ARHGAP22: variants seen among roughly 807,000 people sequenced by gnomAD.
ARHGAP22 encodes the protein Rho GTPase activating protein 22, also known as rho GTPase-activating protein 22.
A neutral mutation model predicts 59.1 loss-of-function variants in ARHGAP22; 48 were observed. The ratio of observed to expected loss-of-function variants is 0.81; its 90% confidence interval spans 0.64 to 1.03. ARHGAP22 has a LOEUF of 1.03. ARHGAP22 is among the 50% of genes least tolerant of loss of function. The pLI is 0.00. For synonymous variants in ARHGAP22, 445 were observed against 416.4 expected, an observed-to-expected ratio of 1.07 and a Z score of -0.84; for missense variants, 1,015 against 958.7, an observed-to-expected ratio of 1.06 and a Z score of -0.78.
intron 2 of ARHGAP22, among the ~76,000 whole-genome samples, chr10:48,566,678 G>A (rs1290729173): frequency 2.0e-5 from 3 of 152,172 alleles, no homozygotes; most frequent in African/African-American, 4.8e-5. Context: ...ACCTGGGAAC[G>A]CCCTGCTTCT....
intron 3 of ARHGAP22, among the ~76,000 whole-genome samples, chr10:48,554,274 T>G (rs1468810437): frequency 2.6e-5 from 4 of 152,228 alleles, no homozygotes; most frequent in Non-Finnish European, 5.9e-5. Context: ...AGGCAGGATC[T>G]TCTCATACCT....
chr10:48,605,089 A>T, upstream of ARHGAP22: 1 of 1,293,708 alleles, frequency 7.7e-7, no homozygotes, highest in South Asian at 1.8e-5. Context: ...AGGGCGGGGC[A>T]GTCCCTCCGC....
chr10:48,604,182 C>T (rs1341326948), intron 1 of ARHGAP22, among the ~76,000 whole-genome samples: 1 of 152,218 alleles, frequency 6.6e-6, no homozygotes, highest in African/African-American at 2.4e-5. Context: ...ACTCTCCTGA[C>T]CCCCATCTCT....
intron 1 of ARHGAP22, among the ~76,000 whole-genome samples, chr10:48,643,939 G>C (rs984890405): frequency 3.3e-4 from 50 of 152,148 alleles, no homozygotes; most frequent in Non-Finnish European, 2.4e-4. Context: ...CCTGAGGTGG[G>C]GAGTTTGAGA....
intron 4 of ARHGAP22, among the ~76,000 whole-genome samples, chr10:48,469,101 C>T (rs1589565551): frequency 6.6e-6 from 1 of 152,248 alleles, no homozygotes; most frequent in South Asian, 2.1e-4. Context: ...CACATGTTTT[C>T]TCTGCTCTGA....
chr10:48,564,745 C>G (rs953568407), intron 2 of ARHGAP22, among the ~76,000 whole-genome samples: 1 of 152,212 alleles, frequency 6.6e-6, no homozygotes, highest in Non-Finnish European at 1.5e-5. Context: ...AGTGATTTCC[C>G]TCTCTCTTCT....
At chr10:48,458,141 TC>T (rs1246408225) in intron 5 of ARHGAP22, among the ~76,000 whole-genome samples, 1 of 151,670 alleles carries the variant, frequency 6.6e-6, no homozygotes, top group African/African-American at 2.4e-5. Context: ...AGTATGGGGG[TC>T]ACTGCTGAGA....
chr10:48,632,211 C>A (rs1402976525), intron 1 of ARHGAP22, among the ~76,000 whole-genome samples: 1 of 152,184 alleles, frequency 6.6e-6, no homozygotes, highest in Admixed American at 6.5e-5. Context: ...CAAGTGAGAA[C>A]ATATGATATT....
intron 3 of ARHGAP22, among the ~76,000 whole-genome samples, chr10:48,511,775 G>A (rs1402049909): frequency 6.6e-6 from 1 of 152,226 alleles, no homozygotes; most frequent in Non-Finnish European, 1.5e-5. Context: ...TCCCAGGGTG[G>A]GGTTGCCTGG....
Position 48,583,021 on chromosome 10 carries a change from G to T in ARHGAP22, c.166C>A (p.Gln56Lys). Reference sequence around the variant, plus strand: ...TCCCCACGCAGCACAAACCAGCGCTGCTGCCAGTTCTTCATGATGCTCCTC... The same window carrying T: ...TCCCCACGCAGCACAAACCAGCGCTTCTGCCAGTTCTTCATGATGCTCCTC... ...KQRSIMKNWQ[Q>K]RWFVLRGDQL... is the part of the protein sequence containing the mutation. The change falls in exon 2 of 10, where the codon CAG becomes AAG. Residue 56 changes from glutamine (Q) to lysine (K), a missense_variant. Transcript: ENST00000249601. 6.2e-7 allele frequency: 1 copy of T among 1,614,272 alleles called. No individual in the cohort carries two copies. The highest frequency in any genetic ancestry group is 8.5e-7 in the Non-Finnish European group (1 of 1,180,048).
chr10:48,525,113 T>C (rs1323219038), intron 3 of ARHGAP22, among the ~76,000 whole-genome samples: 1 of 152,208 alleles, frequency 6.6e-6, no homozygotes, highest in African/African-American at 2.4e-5. Context: ...ACATGGAAGC[T>C]GCTTTATTAA....
At chr10:48,644,680 C>CATCA (rs1162041908) in intron 1 of ARHGAP22, among the ~76,000 whole-genome samples, 2 of 152,122 alleles carry the variant, frequency 1.3e-5, no homozygotes, top group African/African-American at 4.8e-5. Context: ...ATCAGCCACA[C>CATCA]ATCACACAGG....
chr10:48,628,768 T>C (rs538050132), intron 1 of ARHGAP22, among the ~76,000 whole-genome samples: 1 of 152,052 alleles, frequency 6.6e-6, no homozygotes, highest in East Asian at 1.9e-4. Flanking sequence ...ATTCCCCAGG[T>C]GGCCCCTTGG....
Position 48,450,871 on chromosome 10 carries a change from T to C in ARHGAP22, c.1258A>G (p.Lys420Glu). Residue 420 changes from lysine (K) to glutamate (E), a missense_variant, in exon 9 of 10, where the codon AAG becomes GAG. By Grantham distance (56) the Lys-to-Glu change is moderately conservative (BLOSUM62 1). Transcript: ENST00000249601. ...TGPGSRCSPGKKVQTLPSWKS... is the reference protein window; with the variant it reads ...TGPGSRCSPGEKVQTLPSWKS... ...CAACTGGGCAGGGTCTGCACCTTCT[T>C]CCCAGGGCTGCACCGGCTCCCCGGC... 1.3e-6 allele frequency: 2 copies of C among 1,589,218 alleles called. No homozygotes were observed. Among genetic ancestry groups the C allele is most frequent in the Non-Finnish European group, 1.7e-6 (2 of 1,168,894 alleles).
At chr10:48,556,413 CCTT>C (rs764732137) in intron 2 of ARHGAP22, among the ~76,000 whole-genome samples, 5 of 152,188 alleles carry the variant, frequency 3.3e-5, no homozygotes, top group Non-Finnish European at 5.9e-5. Context: ...CCTTTATCCT[CCTT>C]CTGTATGTCA....
At position 48,464,047 on chromosome 10, in the gene ARHGAP22, C is replaced by T. The variant is rs191613784; in HGVS notation, c.452-4156G>A. On this transcript the variant is annotated intron_variant, in intron 4 of 9. Transcript: ENST00000249601. The stretch of plus-strand genomic sequence containing the variant: ...CGGCCTGCTGTCCCATCTCCTACCC[C>T]CAAAACTCCTGCTGTCTGTCTGTCC... 6.4e-4 allele frequency among the ~76,000 whole-genome samples: 98 copies of T among 152,332 alleles called. 1 individual carries two copies. The highest frequency in any genetic ancestry group is 2.3e-3 in the African/African-American group (96 of 41,568).
chr10:48,493,685 C>T (rs896991530), intron 3 of ARHGAP22: 8 of 1,389,796 alleles, frequency 5.8e-6, no homozygotes, highest in South Asian at 3.4e-5. Flanking sequence ...TATCAGTGCC[C>T]GAAGGCTGGG....
chr10:48,586,482 ATT>A (rs1482787704), intron 1 of ARHGAP22, among the ~76,000 whole-genome samples: 1 of 152,156 alleles, frequency 6.6e-6, no homozygotes, highest in Non-Finnish European at 1.5e-5. Flanking sequence ...TCCATGCAGA[ATT>A]TGTTTCCTAA....
At chr10:48,552,929 T>C (rs74130516) in intron 3 of ARHGAP22, among the ~76,000 whole-genome samples, 11,719 of 152,302 alleles carry the variant, frequency 0.077, 488 homozygotes, top group Middle Eastern at 0.12. Flanking sequence ...TCCAGGCTCC[T>C]GTACCTGCCA....
Sources: allele counts gnomAD v4.1 joint callset (sites outside exome capture counted in the v4.1 genomes callset), GRCh38; gene constraint gnomAD v4.1.1; transcripts MANE v1.5; gene names NCBI Gene and HGNC (gene_info 2026-07-23, HGNC 2026-07-21).